The following NBN variants were observed in gnomAD, a reference collection of about 807,000 sequenced individuals.
The protein encoded by NBN is Nijmegen breakage syndrome 1 (nibrin).
Under a neutral mutation model 90.8 loss-of-function variants are expected in NBN, and 88 were observed. The ratio of observed to expected loss-of-function variants is 0.97; its 90% CI spans 0.82 to 1.16. The LOEUF is 1.16. NBN is among the 50% of genes most tolerant of loss of function. The probability of loss-of-function intolerance (pLI) is 0.00; values close to 1 mark genes in which losing one functional copy is unlikely to be tolerated. For synonymous variants in NBN, 328 were observed against 295.1 expected (o/e 1.11, Z -1.14); for missense variants, 894 against 869.6 (o/e 1.03, Z -0.35).
chr8:89,979,772 G>A (rs1469217332), intron 4 of NBN, among the ~76,000 whole-genome samples: 1 of 152,126 alleles, frequency 6.6e-6, no homozygotes, highest in Non-Finnish European at 1.5e-5. Flanking sequence ...TCACAAGGTG[G>A]TCATCAGCAT....
chr8:89,961,009 GTACTTTTT>G (rs1414423663), intron 8 of NBN, among the ~76,000 whole-genome samples: 2 of 152,122 alleles, frequency 1.3e-5, no homozygotes, highest in Non-Finnish European at 2.9e-5. Context: ...TACATACAGT[GTACTTTTT>G]AATTCACTCT....
intron 8 of NBN, among the ~76,000 whole-genome samples, chr8:89,963,258 C>G (rs1390534971): frequency 2.6e-5 from 4 of 152,180 alleles, no homozygotes; most frequent in Non-Finnish European, 5.9e-5. Flanking sequence ...TTGCAGAGCA[C>G]TCAGGAGATA....
chr8:89,982,494 AAAAC>A (rs1335976473), intron 2 of NBN: 170 of 564,938 alleles, frequency 3.0e-4, no homozygotes, highest in African/African-American at 2.7e-3. Flanking sequence ...GTTTCTAACT[AAAAC>A]AAAGAGTAAA....
At chr8:89,957,996 C>T (rs2129738600) in intron 9 of NBN, among the ~76,000 whole-genome samples, 1 of 152,238 alleles carries the variant, frequency 6.6e-6, no homozygotes, top group South Asian at 2.1e-4. Context: ...GCCTTAAGCT[C>T]GTTTTCCTGC....
intron 5 of NBN, among the ~76,000 whole-genome samples, chr8:89,972,708 ATATACAAATAACTAGTT>A (rs1394861932): frequency 6.6e-6 from 1 of 152,216 alleles, no homozygotes; most frequent in East Asian, 1.9e-4. Context: ...CACTTTACTT[ATATACAAATAACTAGTT>A]TACCAATTAG....
At chr8:89,951,150 T>C (rs1200708124) in intron 11 of NBN, among the ~76,000 whole-genome samples, 2 of 151,390 alleles carry the variant, frequency 1.3e-5, no homozygotes, top group African/African-American at 2.4e-5. Flanking sequence ...ATCTCTACTA[T>C]AAGTACAAAA....
At chr8:89,957,839 G>A (rs531398051) in intron 9 of NBN, among the ~76,000 whole-genome samples, 83 of 152,238 alleles carry the variant, frequency 5.5e-4, no homozygotes, top group Non-Finnish European at 1.1e-3. Flanking sequence ...GACCAGCTTC[G>A]TGGTGAGGTT....
intron 5 of NBN, among the ~76,000 whole-genome samples, chr8:89,972,178 C>A (rs1811550766): frequency 6.6e-6 from 1 of 152,224 alleles, no homozygotes. Flanking sequence ...GAGTCACTAT[C>A]CAGCACTTTA....
chr8:89,961,504 G>A lies in NBN; in HGVS notation c.995-2650C>T, dbSNP rs1810989613. On this transcript the variant is annotated intron_variant, in intron 8 of 15. Coordinates refer to ENST00000265433, the MANE Select transcript of NBN (RefSeq NM_002485.5). ...TACATCTGACTTGGAGGAGTTGGGA[G>A]TGAAAACAATTTAGAAGAGCCTTAC... 2.0e-5 allele frequency among the ~76,000 whole-genome samples: 3 copies of A among 152,212 alleles called. No homozygotes were observed. In the South Asian group the frequency reaches 6.2e-4, roughly 31 times the overall value.
chr8:89,947,562 G>T (rs539604437), intron 12 of NBN, among the ~76,000 whole-genome samples: 9 of 151,772 alleles, frequency 5.9e-5, no homozygotes, highest in African/African-American at 2.4e-5. Context: ...CCAGGAGGCT[G>T]AGGTTGCGGT....
At chr8:89,983,758 G>A (rs1436424026) in intron 1 of NBN, among the ~76,000 whole-genome samples, 1 of 152,162 alleles carries the variant, frequency 6.6e-6, no homozygotes, top group Admixed American at 6.5e-5. Flanking sequence ...GAGTGGCAGG[G>A]AGATTAGGGC....
chr8:89,948,948 C>T (rs916389767), intron 11 of NBN, among the ~76,000 whole-genome samples: 4 of 152,158 alleles, frequency 2.6e-5, no homozygotes, highest in Admixed American at 2.0e-4. Flanking sequence ...GAGAATCATA[C>T]GACCTACCTA....
At chr8:89,951,267 AC>A (rs1258035939) in intron 11 of NBN, among the ~76,000 whole-genome samples, 2 of 142,960 alleles carry the variant, frequency 1.4e-5, no homozygotes, top group African/African-American at 5.2e-5. Flanking sequence ...AGCGGAGATC[AC>A]GCCACTGAAC....
At chr8:89,953,770 T>C (rs1405402390) in intron 10 of NBN, 79 bp from the exon 11 acceptor site, 1 of 1,058,694 alleles carries the variant, frequency 9.4e-7, no homozygotes, top group Admixed American at 2.1e-5. Flanking sequence ...GCAATATTCA[T>C]CACTCCCTCC....
chr8:89,954,062 C>T (rs1241269338), intron 10 of NBN, among the ~76,000 whole-genome samples: 1 of 152,012 alleles, frequency 6.6e-6, no homozygotes, highest in Non-Finnish European at 1.5e-5. Context: ...GGAAAACTGC[C>T]CTGGGAATAC....
At position 89,955,487 on chromosome 8, in the gene NBN, T is replaced by C. The variant is rs746965070; in HGVS notation, c.1193A>G (p.Gln398Arg). The C allele has an allele frequency of 2.5e-6, 4 of 1,613,650 alleles. No individual in the cohort carries two copies. Among genetic ancestry groups the C allele is most frequent in the South Asian group, 1.1e-5 (1 of 91,064 alleles). Residue 398 changes from glutamine to arginine, a missense_variant, in exon 10 of 16, where the codon CAA (glutamine) becomes CGA (arginine). Transcript: ENST00000265433. ...GGACTCCTTTACAGTGGGTGCATCT[T>C]GTGAAAGCATTCTGAATTTTTGTTC... The part of the protein sequence containing the change: ...KMEQKFRMLS[Q>R]DAPTVKESCK...
intron 8 of NBN, among the ~76,000 whole-genome samples, chr8:89,963,056 G>A (rs1315336799): frequency 6.6e-6 from 1 of 152,148 alleles, no homozygotes; most frequent in African/African-American, 2.4e-5. Flanking sequence ...TATAAGGACT[G>A]TTTTGCAGAT....
intron 5 of NBN, among the ~76,000 whole-genome samples, chr8:89,976,094 G>A (rs777273606): frequency 2.0e-5 from 3 of 152,006 alleles, no homozygotes; most frequent in Non-Finnish European, 4.4e-5. Flanking sequence ...TGGATTCAAG[G>A]GATTCTTAAG....
chr8:89,965,228 G>A (rs527250274), intron 7 of NBN, among the ~76,000 whole-genome samples: 4 of 152,010 alleles, frequency 2.6e-5, no homozygotes, highest in Non-Finnish European at 4.4e-5. Flanking sequence ...GAGGAAGGAC[G>A]GAGAGAAGTA....
Sources: allele counts gnomAD v4.1 joint callset (sites outside exome capture counted in the v4.1 genomes callset), GRCh38; gene constraint gnomAD v4.1.1; transcripts MANE v1.5; gene names NCBI Gene and HGNC (gene_info 2026-07-23, HGNC 2026-07-21).